The following CACNA1B variants were observed in gnomAD, a reference collection of about 807,000 sequenced individuals.
CACNA1B encodes calcium voltage-gated channel subunit alpha1 B.
CACNA1B carries 70 observed loss-of-function variants against 247.2 expected under a neutral mutation model. The observed-to-expected ratio is 0.28, with a 90% confidence interval of 0.23 to 0.35. The LOEUF is 0.35. Ranked by LOEUF, CACNA1B falls within the 10% of genes least tolerant of loss-of-function variation. The pLI is 1.00. For synonymous variants in CACNA1B, 1,231 were observed against 1,294.4 expected (o/e 0.95, Z 1.05); for missense variants, 2,367 against 3,197.4 (o/e 0.74, Z 6.26).
In CACNA1B at chr9:138,054,398, C is replaced by T. The variant is rs1288651123; in HGVS notation, c.3968+392C>T. On this transcript the variant is annotated intron_variant, in intron 26 of 46. Transcript: ENST00000371372. The surrounding 1 kb of genome is among the most constrained non-coding windows in gnomAD (Gnocchi z 4.6). ...TGGCTGGAGCTGCTGTCACTGTCCA[C>T]ATGAGGCCTCAGAGCTTCCTGTGCC... 6.6e-6 allele frequency among the ~76,000 whole-genome samples: 1 copy of T among 152,220 alleles called. No homozygotes were observed. The highest frequency in any genetic ancestry group is 1.5e-5 in the Non-Finnish European group (1 of 68,032).
chr9:138,062,672 G>GGGTGT (rs1959769223), intron 31 of CACNA1B, among the ~76,000 whole-genome samples: 1 of 152,194 alleles, frequency 6.6e-6, no homozygotes, highest in Non-Finnish European at 1.5e-5. Context: ...CCCAAATGCT[G>GGGTGT]GGTGTCTGCA....
At chr9:138,077,020 G>A (rs748502969) in intron 35 of CACNA1B, among the ~76,000 whole-genome samples, 11 of 152,316 alleles carry the variant, frequency 7.2e-5, no homozygotes, top group Non-Finnish European at 1.3e-4. Flanking sequence ...CTCATGCCGC[G>A]GAAGACTTAA....
Position 138,000,714 on chromosome 9 carries a change from T to C in CACNA1B, c.1975-6053T>C, listed in dbSNP as rs561890534. Among the ~76,000 whole-genome samples the C allele has an allele frequency of 7.9e-5, 12 of 152,322 alleles. No homozygotes were observed. The South Asian group carries it at 2.5e-3, about 32-fold the overall frequency. Reference sequence around the variant, plus strand: ...AATGCAGACCAGAACGCAAGCTCCATGGGGCAGGGTCTTTGTTTTATCCAC... The same window carrying C: ...AATGCAGACCAGAACGCAAGCTCCACGGGGCAGGGTCTTTGTTTTATCCAC... On this transcript the variant is annotated intron_variant, in intron 15 of 46. Coordinates refer to ENST00000371372, the MANE Select transcript of CACNA1B (RefSeq NM_000718.4).
chr9:137,916,995 C>T (rs995688033), intron 5 of CACNA1B, among the ~76,000 whole-genome samples: 1 of 151,958 alleles, frequency 6.6e-6, no homozygotes, highest in African/African-American at 2.4e-5. Context: ...TGATGGTGGG[C>T]AGGTTCCAGT....
chr9:138,061,578 G>A (rs908095757), intron 31 of CACNA1B, among the ~76,000 whole-genome samples: 6 of 152,320 alleles, frequency 3.9e-5, no homozygotes, highest in Admixed American at 1.3e-4. Context: ...GTGGTGTTGC[G>A]TTAGATGATC....
At chr9:137,930,926 C>A (rs1036732946) in intron 6 of CACNA1B, among the ~76,000 whole-genome samples, 2 of 152,016 alleles carry the variant, frequency 1.3e-5, no homozygotes, top group African/African-American at 4.8e-5. Flanking sequence ...AAAAATTAAT[C>A]TTTGTATAAA....
At chr9:137,892,825 G>A in intron 3 of CACNA1B, among the ~76,000 whole-genome samples, 1 of 152,246 alleles carries the variant, frequency 6.6e-6, no homozygotes, top group East Asian at 1.9e-4. Context: ...CTCAGCACTG[G>A]GTGGAATTCG....
At chr9:137,883,057 G>A (rs2133222397) in intron 3 of CACNA1B, 174 bp downstream of exon 3, 2 of 689,866 alleles carry the variant, frequency 2.9e-6, no homozygotes, top group Non-Finnish European at 2.5e-6. Flanking sequence ...TGTGCTATGG[G>A]GGTGCTTCTC....
chr9:137,958,999 T>G (rs745984693), intron 10 of CACNA1B, among the ~76,000 whole-genome samples: 52 of 152,340 alleles, frequency 3.4e-4, no homozygotes, highest in Non-Finnish European at 5.6e-4. Flanking sequence ...ATTTTGTATT[T>G]ATTTTGACAA....
At chr9:138,039,263 A>C (rs1012751888) in intron 20 of CACNA1B, among the ~76,000 whole-genome samples, 6 of 152,010 alleles carry the variant, frequency 3.9e-5, no homozygotes, top group African/African-American at 1.4e-4. Flanking sequence ...TTGTAATTCA[A>C]ATAGAAGATT....
intron 6 of CACNA1B, among the ~76,000 whole-genome samples, chr9:137,930,153 T>C (rs932600559): frequency 6.6e-6 from 1 of 152,194 alleles, no homozygotes. Context: ...TTTGAAGAAA[T>C]GTCAGCTGGG....
chr9:138,036,377 G>C (rs1447798013), intron 20 of CACNA1B, among the ~76,000 whole-genome samples: 1 of 152,206 alleles, frequency 6.6e-6, no homozygotes. Context: ...CTGACCTCGT[G>C]ATCTGCCTGC....
chr9:137,974,352 G>A lies in CACNA1B; in HGVS notation c.1544-1555G>A, dbSNP rs1378325562. 6.6e-6 allele frequency among the ~76,000 whole-genome samples: 1 copy of A among 152,190 alleles called. No homozygotes were observed. Among genetic ancestry groups the A allele is most frequent in the South Asian group, 2.1e-4 (1 of 4,830 alleles). ...TTCTCCAGGGACACTGCTTGGCCTT[G>A]TTATCATCCCATGCTTAGCTTGAGT... On this transcript the variant is annotated intron_variant, in intron 11 of 46. Transcript: ENST00000371372. This position sits in a 1 kb window ranked among gnomAD's most constrained non-coding sequence, Gnocchi z 4.5.
intron 31 of CACNA1B, among the ~76,000 whole-genome samples, chr9:138,063,946 C>G (rs1470381948): frequency 6.6e-6 from 1 of 152,150 alleles, no homozygotes; most frequent in Non-Finnish European, 1.5e-5. Flanking sequence ...ATTGTTATGT[C>G]TACTTCACAT....
intron 31 of CACNA1B, chr9:138,068,544 C>T (rs1372076380): frequency 1.9e-6 from 1 of 515,728 alleles, no homozygotes; most frequent in Non-Finnish European, 3.9e-6. Context: ...AGCATTTAGT[C>T]CCAGTGCGCT....
At position 137,973,767 on chromosome 9, in the gene CACNA1B, C is replaced by T. The variant is rs117840877; in HGVS notation, c.1544-2140C>T. On this transcript the variant is annotated intron_variant, in intron 11 of 46. Coordinates refer to ENST00000371372, the MANE Select transcript of CACNA1B (RefSeq NM_000718.4). The surrounding 1 kb of genome is among the most constrained non-coding windows in gnomAD (Gnocchi z 4.1). ...ACGAATGAATGCCCTTTCTGGGCCT[C>T]AGAGTGGAGGCTGAGTATGTGAGGC... Among the ~76,000 whole-genome samples, 47 of 152,310 alleles carry T rather than the reference C, an allele frequency of 3.1e-4. No homozygotes were observed. In the East Asian group the frequency reaches 8.9e-3, roughly 29 times the overall value.
intron 6 of CACNA1B, among the ~76,000 whole-genome samples, chr9:137,939,934 G>A (rs1741342548): frequency 6.6e-6 from 1 of 152,010 alleles, no homozygotes; most frequent in Non-Finnish European, 1.5e-5. Flanking sequence ...AGTGCTAAGA[G>A]GAAAGTTCAT....
At chr9:138,035,550 G>A (rs990207539) in intron 20 of CACNA1B, among the ~76,000 whole-genome samples, 2 of 152,162 alleles carry the variant, frequency 1.3e-5, no homozygotes, top group African/African-American at 4.8e-5. Flanking sequence ...TGGATTGGTA[G>A]TTGTGGCCAC....
At chr9:137,905,553 A>G (rs996564691) in intron 3 of CACNA1B, among the ~76,000 whole-genome samples, 2 of 152,192 alleles carry the variant, frequency 1.3e-5, no homozygotes, top group Non-Finnish European at 2.9e-5. Flanking sequence ...TGTTGAATAA[A>G]TTAAAGTGTA....
Sources: allele counts gnomAD v4.1 joint callset (sites outside exome capture counted in the v4.1 genomes callset), GRCh38; gene constraint gnomAD v4.1.1; non-coding constraint Gnocchi (gnomAD v3.1); transcripts MANE v1.5; gene names NCBI Gene and HGNC (gene_info 2026-07-23, HGNC 2026-07-21).